DPP7: variants seen among roughly 807,000 people sequenced by gnomAD.
DPP7 encodes dipeptidyl peptidase 2.
In DPP7, 74 loss-of-function variants were observed where a neutral mutation model predicts 58.8. The observed-to-expected ratio is 1.26, with a 90% CI of 1.04 to 1.53. The LOEUF is 1.53. Among genes scored for constraint, DPP7 ranks in the 40% most tolerant of loss-of-function variants. The pLI, the probability that DPP7 is intolerant of heterozygous loss-of-function variation, is 0.00. For missense variants in DPP7, 807 were observed against 692.3 expected (o/e 1.17, Z -1.86); for synonymous variants, 350 against 303.6 (o/e 1.15, Z -1.59).
intron 11 of DPP7, 147 bp downstream of exon 11, chr9:137,111,543 T>C (rs1831365458): frequency 1.2e-6 from 1 of 843,848 alleles, no homozygotes; most frequent in South Asian, 1.7e-5. Context: ...GTAGTCCCAG[T>C]TACTGGGAGG....
chr9:137,114,930 C>T (rs927652427), upstream of DPP7: 34 of 339,366 alleles, frequency 1.0e-4, no homozygotes, highest in Non-Finnish European at 1.5e-4. Flanking sequence ...AGAGGGCCCC[C>T]GGGCCATCTC....
chr9:137,114,011 C>T lies in DPP7; in HGVS notation c.339G>A (p.Ser113=), dbSNP rs771968258. 10 of 1,512,128 alleles carry T rather than the reference C, an allele frequency of 6.6e-6. No individual in the cohort carries two copies. The South Asian group carries it at 1.1e-4, about 17-fold the overall frequency. The allele number at this position is 1,512,128 out of a possible 1,614,324, so 93.7% of individuals were successfully genotyped here. The part of the protein sequence containing the change: ...VFAEHRYYGK[S]LPFGAQSTQR... ...GCGTGGACTGCGCACCGAACGGCAG[C>T]GACTTCCCGTAGTAGCGCTGGGGGA... The change falls in exon 4 of 13, where the codon TCG becomes TCA. Residue 113 remains serine, a synonymous_variant. Transcript: ENST00000371579.
chr9:137,113,121 T>G lies in DPP7; in HGVS notation c.704-2A>C, dbSNP rs771962347. The G allele has an allele frequency of 1.2e-6, 2 of 1,613,706 alleles. No homozygotes were observed. The highest frequency in any genetic ancestry group is 4.5e-5 in the East Asian group (2 of 44,878). On this transcript the variant is annotated splice_acceptor_variant, in intron 6 of 12. Coordinates refer to ENST00000371579, the MANE Select transcript of DPP7 (RefSeq NM_013379.3). LOFTEE classifies it high-confidence loss of function. ...ACTCCCAGCGGACCGTGTCGTAGGC[T>G]GCGTGGAAGGGGCAGAGACTTGAAG...
rs1334148567 is a variant in DPP7, at chr9:137,111,891, TCAG to T, written c.1186_1188del (p.Leu396del). ...GCCTTACCACCCCCCCAGAAGCTGG[TCAG>T]CAGCCAGTCGGGCCGGGGCCACACG... is the stretch of plus-strand genomic sequence containing the variant. On this transcript the variant is annotated inframe_deletion, in exon 10 of 13. Transcript: ENST00000371579. The T allele has an allele frequency of 2.1e-6, 2 of 939,164 alleles. No homozygotes were observed. The highest frequency in any genetic ancestry group is 3.5e-5 in the African/African-American group (2 of 56,474). The allele number at this position is 939,164 out of a possible 1,614,324, so 58.2% of individuals were successfully genotyped here.
At chr9:137,115,890 A>G (rs374189119), upstream of DPP7, among the ~76,000 whole-genome samples, 79 of 152,240 alleles carry the variant, frequency 5.2e-4, 2 homozygotes, top group African/African-American at 1.8e-3. Context: ...GACGGGGGTG[A>G]GGACAAACAG....
At chr9:137,114,427 ACGGCGGGGG>A in intron 2 of DPP7, 27 bp downstream of exon 2, 2 of 1,560,780 alleles carry the variant, frequency 1.3e-6, no homozygotes, top group Non-Finnish European at 1.7e-6. Context: ...GGGCGGCGGG[ACGGCGGGGG>A]CGGCCGGGCC....
In DPP7 at chr9:137,110,887, C is replaced by A; in HGVS notation, c.1336G>T (p.Asp446Tyr). The A allele has an allele frequency of 6.2e-7, 1 of 1,612,224 alleles. No individual in the cohort carries two copies. The highest frequency in any genetic ancestry group is 1.1e-5 in the South Asian group (1 of 90,974). ...VTIQGGAHHL[D>Y]LRASHPEDPA... is the part of the protein sequence containing the mutation. ...GGCCACCTCCCTCCGCACCTGAGGT[C>A]GAGGTGGTGCGCTCCCCCCTGGATG... The change falls in exon 12 of 13, where the codon GAC (aspartate) becomes TAC (tyrosine). Residue 446 changes from aspartate to tyrosine, a missense_variant. Coordinates refer to ENST00000371579, the MANE Select transcript of DPP7 (RefSeq NM_013379.3).
chr9:137,110,640 T>C lies in DPP7; in HGVS notation c.*8A>G, dbSNP rs1230121856. 2 of 1,609,678 alleles carry C rather than the reference T, an allele frequency of 1.2e-6. No homozygotes were observed. The highest frequency in any genetic ancestry group is 2.2e-5 in the East Asian group (1 of 44,860). ...ATGAGGAGCCTTGAGACCCCTCCAG[T>C]CCTGTGCTCAGAGGCTGAGTCTGGG... On this transcript the variant is annotated 3_prime_UTR_variant, in exon 13 of 13. Transcript: ENST00000371579.
At position 137,110,773 on chromosome 9, in the gene DPP7, G is replaced by A; in HGVS notation, c.1354C>T (p.Pro452Ser). 1.9e-6 allele frequency: 3 copies of A among 1,605,560 alleles called. No homozygotes were observed. Among genetic ancestry groups the A allele is most frequent in the South Asian group, 1.1e-5 (1 of 90,950 alleles). Reference sequence around the variant, plus strand: ...TCAACCACGGAAGCAGGATCTTCTGGGTGGGAGGCTCTGGGGAGCGGGCAC... The same window carrying A: ...TCAACCACGGAAGCAGGATCTTCTGAGTGGGAGGCTCTGGGGAGCGGGCAC... ...AHHLDLRASH[P>S]EDPASVVEAR... The change falls in exon 13 of 13, where the codon CCA (proline) becomes TCA (serine). Residue 452 changes from proline to serine, a missense_variant. Pro to Ser is a moderately conservative substitution (Grantham distance 74). Coordinates refer to ENST00000371579, the MANE Select transcript of DPP7 (RefSeq NM_013379.3).
chr9:137,114,555 C>G lies in DPP7; in HGVS notation c.89G>C (p.Gly30Ala), dbSNP rs1473452094. Residue 30 changes from glycine to alanine, a missense_variant, in exon 2 of 13, where the codon GGC (glycine) becomes GCC (alanine). By Grantham distance (60) the Gly-to-Ala change is moderately conservative. Coordinates refer to ENST00000371579, the MANE Select transcript of DPP7 (RefSeq NM_013379.3). ...QAGARRAPDP[G>A]FQERFFQQRL... The stretch of plus-strand genomic sequence containing the variant: ...CTGCTGGAAGAAGCGCTCCTGGAAG[C>G]CGGGGTCCGGGGCCCTGCGGGCTGT... 6.4e-7 allele frequency: 1 copy of G among 1,561,482 alleles called. No individual in the cohort carries two copies. The highest frequency in any genetic ancestry group is 1.2e-5 in the South Asian group (1 of 85,440).
chr9:137,116,727 A>G (rs1323650653), upstream of DPP7, among the ~76,000 whole-genome samples: 3 of 152,318 alleles, frequency 2.0e-5, no homozygotes, highest in East Asian at 1.9e-4. Flanking sequence ...TGCAGTTGAG[A>G]TAAGAGGAAG....
rs377535179 is a variant in DPP7 at position 137,112,630 on chromosome 9, G to C, written c.931+115C>G. On this transcript the variant is annotated intron_variant, in intron 8 of 12. Coordinates refer to ENST00000371579, the MANE Select transcript of DPP7 (RefSeq NM_013379.3). ...GTGCTGTCCACCCCACCACAGCCCT[G>C]GGGCAGGAGGCAAAGCCCCTGGCCG... 4.3e-4 allele frequency: 547 copies of C among 1,286,022 alleles called. 10 individuals are homozygous for C. The East Asian group carries it at 8.7e-3, about 21-fold the overall frequency. The allele number at this position is 1,286,022 out of a possible 1,614,324, so 79.7% of individuals were successfully genotyped here. A position where few individuals can be genotyped will look rare whatever the true frequency, so the allele number is the denominator to read the frequency against.
Position 137,113,447 on chromosome 9 carries a change from C to T in DPP7, c.535G>A (p.Val179Met), listed in dbSNP as rs1466286226. 5 of 1,605,016 alleles carry T rather than the reference C, an allele frequency of 3.1e-6. No homozygotes were observed. The highest frequency in any genetic ancestry group is 4.3e-6 in the Non-Finnish European group (5 of 1,174,660). ...AYLRMKYPHLVAGALAASAPV... is the reference protein window; with the variant it reads ...AYLRMKYPHLMAGALAASAPV... ...GCGCTGGCCGCCAGCGCCCCCGCCA[C>T]CAGGTGGGGATACTTCATCCTCAGG... Residue 179 changes from valine to methionine, a missense_variant, in exon 5 of 13, where the codon GTG (valine) becomes ATG (methionine). Physicochemically the swap from Val to Met is conservative, Grantham distance 21. Transcript: ENST00000371579.
At chr9:137,115,876 G>C (rs963389224), upstream of DPP7, among the ~76,000 whole-genome samples, 3 of 152,144 alleles carry the variant, frequency 2.0e-5, no homozygotes, top group African/African-American at 7.2e-5. Flanking sequence ...CGGGGCCCCC[G>C]CAGGACGGGG....
At chr9:137,116,596 TC>T (rs775770078), upstream of DPP7, among the ~76,000 whole-genome samples, 44 of 152,228 alleles carry the variant, frequency 2.9e-4, no homozygotes, top group Admixed American at 4.6e-4. Context: ...TGTCCAGGTT[TC>T]CCCCCAGTGA....
intron 4 of DPP7, 152 bp from the exon 5 acceptor site, chr9:137,113,648 G>A (rs1242213325): frequency 2.1e-6 from 3 of 1,428,994 alleles, no homozygotes; most frequent in East Asian, 2.5e-5. Context: ...CTCTCACTGG[G>A]AAAGGCCGCT....
rs761301015 is a variant in DPP7 at position 137,113,249 on chromosome 9, C to T, written c.660G>A (p.Val220=). ...CCTTGATCTGTCGGAACGCTTCCCG[C>T]ACACCCTGGGTGCATTTGGGACTCT... The part of the protein sequence containing the change: ...EGQSPKCTQG[V]REAFRQIKDL... Residue 220 remains valine (V), a synonymous_variant, in exon 6 of 13, where the codon GTG becomes GTA. Coordinates refer to ENST00000371579, the MANE Select transcript of DPP7 (RefSeq NM_013379.3). 3.7e-6 allele frequency: 6 copies of T among 1,613,730 alleles called. No individual in the cohort carries two copies. The highest frequency in any genetic ancestry group is 5.1e-6 in the Non-Finnish European group (6 of 1,179,996).
In DPP7 at chr9:137,112,007, G is replaced by T. The variant is rs1215799345; in HGVS notation, c.1073C>A (p.Thr358Asn). 2 of 1,613,602 alleles carry T rather than the reference G, an allele frequency of 1.2e-6. No individual in the cohort carries two copies. Among genetic ancestry groups the T allele is most frequent in the Admixed American group, 1.7e-5 (1 of 59,998 alleles). ...ATCGGTCACATTGTTGCTGGCGAAG[G>T]TCAGGTTGATCTCGGTGCAGGCCTG... ...DYQACTEINL[T>N]FASNNVTDMF... The change falls in exon 10 of 13, where the codon ACC becomes AAC. Residue 358 changes from threonine to asparagine, a missense_variant. Coordinates refer to ENST00000371579, the MANE Select transcript of DPP7 (RefSeq NM_013379.3).
chr9:137,110,563 T>G lies in DPP7; in HGVS notation c.*85A>C, dbSNP rs2131141272. On this transcript the variant is annotated 3_prime_UTR_variant, in exon 13 of 13. Coordinates refer to ENST00000371579, the MANE Select transcript of DPP7 (RefSeq NM_013379.3). ...CATACATGGCCAGGCCTCCAGGCGT[T>G]TATTCAGCCCCTTCCCTCTGCCGCC... The G allele has an allele frequency of 6.6e-7, 1 of 1,516,416 alleles. No homozygotes were observed. Among genetic ancestry groups the G allele is most frequent in the African/African-American group, 1.4e-5 (1 of 72,154 alleles). The allele number at this position is 1,516,416 out of a possible 1,614,324, so 93.9% of individuals were successfully genotyped here. A position where few individuals can be genotyped will look rare whatever the true frequency, so the allele number is the denominator to read the frequency against.
Sources: allele counts gnomAD v4.1 joint callset (sites outside exome capture counted in the v4.1 genomes callset), GRCh38; gene constraint gnomAD v4.1.1; transcripts MANE v1.5; gene names NCBI Gene and HGNC (gene_info 2026-07-23, HGNC 2026-07-21).